The following DLG2 variants were observed in gnomAD, a reference collection of about 807,000 sequenced individuals.
DLG2 encodes the protein discs large MAGUK scaffold protein 2, also known as disks large homolog 2.
Under a neutral mutation model 132.5 loss-of-function variants are expected in DLG2, and 45 were observed. The ratio of observed to expected loss-of-function variants is 0.34; its 90% CI spans 0.27 to 0.44. DLG2 has a LOEUF of 0.44. Ranked by LOEUF, DLG2 falls within the 20% of genes least tolerant of loss-of-function variation. DLG2 has a pLI of 1.00. For missense variants in DLG2, 1,045 were observed against 1,196.9 expected (o/e 0.87, Z 1.87); for synonymous variants, 424 against 419.6 (o/e 1.01, Z -0.13).
intron 19 of DLG2, among the ~76,000 whole-genome samples, chr11:83,578,097 CAT>C (rs2096912973): frequency 6.9e-6 from 1 of 145,110 alleles, no homozygotes; most frequent in South Asian, 2.1e-4. Context: ...CACACTGTAT[CAT>C]ATAAAATATG....
At chr11:84,957,578 C>A (rs1358338748) in intron 6 of DLG2, among the ~76,000 whole-genome samples, 1 of 152,128 alleles carries the variant, frequency 6.6e-6, no homozygotes, top group Non-Finnish European at 1.5e-5. Flanking sequence ...GTTTTCCTCA[C>A]CCTCTCAGGC....
intron 6 of DLG2, among the ~76,000 whole-genome samples, chr11:85,090,305 A>C (rs565109986): frequency 6.6e-6 from 1 of 152,308 alleles, no homozygotes; most frequent in South Asian, 2.1e-4. Flanking sequence ...AAGGAACTCT[A>C]GGCAGTCTCA....
chr11:84,800,125 C>A (rs2075190126), intron 6 of DLG2, among the ~76,000 whole-genome samples: 1 of 152,106 alleles, frequency 6.6e-6, no homozygotes, highest in Admixed American at 6.5e-5. Flanking sequence ...TTTTAAAAAT[C>A]TGTATGTACA....
intron 3 of DLG2, among the ~76,000 whole-genome samples, chr11:85,356,900 C>G (rs532727570): frequency 1.3e-5 from 2 of 152,216 alleles, no homozygotes; most frequent in African/African-American, 4.8e-5. Context: ...CCCCACTCCT[C>G]AACAGTGTGT....
At chr11:85,303,096 T>C (rs2079705840) in intron 3 of DLG2, among the ~76,000 whole-genome samples, 1 of 152,228 alleles carries the variant, frequency 6.6e-6, no homozygotes, top group South Asian at 2.1e-4. Flanking sequence ...GCTTATTTTA[T>C]GTTTAGAAGG....
intron 3 of DLG2, among the ~76,000 whole-genome samples, chr11:85,300,516 T>A (rs1214703700): frequency 6.6e-6 from 1 of 152,152 alleles, no homozygotes; most frequent in Non-Finnish European, 1.5e-5. Context: ...GAGATACCCC[T>A]TATGCCCATC....
chr11:84,934,379 G>A (rs1210511882), intron 6 of DLG2, among the ~76,000 whole-genome samples: 1 of 151,536 alleles, frequency 6.6e-6, no homozygotes, highest in African/African-American at 2.4e-5. Flanking sequence ...AGAATGATAC[G>A]GGCCTCACAG....
rs147024734 is a variant in DLG2 at position 83,520,103 on chromosome 11, G to A, written c.2193+12605C>T. Among the ~76,000 whole-genome samples the A allele has an allele frequency of 1.1e-3, 167 of 152,312 alleles. 1 individual carries two copies. Among genetic ancestry groups the A allele is most frequent in the Admixed American group, 2.2e-3 (33 of 15,306 alleles). ...CACATCAAGAGTGTTCAAACAGGAC[G>A]TGTTAGTAAAATCTTTACAAATGTT... is the stretch of plus-strand genomic sequence containing the variant. On this transcript the variant is annotated intron_variant, in intron 21 of 27. Coordinates refer to ENST00000376104, the MANE Select transcript of DLG2 (RefSeq NM_001142699.3).
At chr11:84,222,491 T>C (rs899553407) in intron 8 of DLG2, among the ~76,000 whole-genome samples, 5 of 152,248 alleles carry the variant, frequency 3.3e-5, no homozygotes, top group Admixed American at 1.3e-4. Flanking sequence ...GAAAGGGCTA[T>C]AAAATGTCGA....
At chr11:84,112,043 C>A (rs1436861103) in intron 9 of DLG2, among the ~76,000 whole-genome samples, 2 of 151,848 alleles carry the variant, frequency 1.3e-5, no homozygotes, top group Admixed American at 1.3e-4. Context: ...GACAGAGTCT[C>A]ACTCTGTTGC....
chr11:83,634,414 C>A (rs994976765), intron 18 of DLG2, among the ~76,000 whole-genome samples: 2 of 152,142 alleles, frequency 1.3e-5, no homozygotes, highest in Admixed American at 1.3e-4. Context: ...CTAGAAACTT[C>A]TATCATTTCC....
intron 19 of DLG2, among the ~76,000 whole-genome samples, chr11:83,563,680 G>A (rs1235365623): frequency 2.0e-5 from 3 of 152,150 alleles, no homozygotes; most frequent in African/African-American, 7.2e-5. Context: ...ATCCTACAAG[G>A]GAGTAGGGTG....
chr11:84,585,088 G>A (rs1324270244), intron 6 of DLG2, among the ~76,000 whole-genome samples: 1 of 151,832 alleles, frequency 6.6e-6, no homozygotes, highest in African/African-American at 2.4e-5. Flanking sequence ...ATAATATTAT[G>A]CTATATTTTT....
intron 6 of DLG2, among the ~76,000 whole-genome samples, chr11:85,020,603 T>G (rs1486884669): frequency 1.3e-5 from 2 of 152,312 alleles, no homozygotes; most frequent in East Asian, 1.9e-4. Context: ...GGTCTAACAT[T>G]TAAGTCTTTA....
intron 14 of DLG2, among the ~76,000 whole-genome samples, chr11:83,960,467 A>G (rs1413146222): frequency 6.6e-6 from 1 of 152,106 alleles, no homozygotes; most frequent in Admixed American, 6.6e-5. Flanking sequence ...AAGTAAAAAC[A>G]TAATAAATAA....
chr11:84,654,757 C>T (rs1426860746), intron 6 of DLG2, among the ~76,000 whole-genome samples: 2 of 152,202 alleles, frequency 1.3e-5, no homozygotes, highest in Non-Finnish European at 2.9e-5. Context: ...CAAGCCTTTG[C>T]TTCATCACAT....
At chr11:84,185,178 T>C (rs12803621) in intron 8 of DLG2, among the ~76,000 whole-genome samples, 9,467 of 151,590 alleles carry the variant, frequency 0.062, 368 homozygotes, top group African/African-American at 0.097. Context: ...GCCATTTTCA[T>C]GATATTGATT....
chr11:85,334,568 G>T (rs1345306185), intron 3 of DLG2, among the ~76,000 whole-genome samples: 1 of 152,002 alleles, frequency 6.6e-6, no homozygotes. Flanking sequence ...TGGGCTTTTA[G>T]CTCTATAAAC....
At chr11:84,584,939 C>T (rs537113039) in intron 6 of DLG2, among the ~76,000 whole-genome samples, 1 of 151,944 alleles carries the variant, frequency 6.6e-6, no homozygotes, top group East Asian at 1.9e-4. Flanking sequence ...CCGCCCGCCT[C>T]GGCCTCCCAA....
Sources: gnomAD v4.1 joint callset for allele counts (sites outside exome capture counted in the v4.1 genomes callset) on GRCh38, gnomAD v4.1.1 for gene constraint, MANE v1.5 for transcripts, NCBI Gene and HGNC (gene_info 2026-07-23, HGNC 2026-07-21) for gene names.